The following SUCLG2 variants were observed in gnomAD, a reference collection of about 807,000 sequenced individuals.
SUCLG2 encodes succinate--CoA ligase [GDP-forming] subunit beta, mitochondrial.
SUCLG2 carries 42 observed loss-of-function variants against 47.9 expected under a neutral mutation model. The ratio of observed to expected loss-of-function variants is 0.88; its 90% CI spans 0.69 to 1.14. The LOEUF is 1.14. Among genes scored for constraint, SUCLG2 ranks in the 50% most tolerant of loss-of-function variants. The pLI is 0.00. For synonymous variants in SUCLG2, 195 were observed against 197.3 expected (o/e 0.99, Z 0.10); for missense variants, 571 against 525.9 (o/e 1.09, Z -0.84).
At chr3:67,543,405 C>T (rs182564583) in intron 2 of SUCLG2, among the ~76,000 whole-genome samples, 6 of 152,160 alleles carry the variant, frequency 3.9e-5, no homozygotes, top group East Asian at 3.9e-4. Context: ...TTTGTGAGGC[C>T]GAGGCAGGTG....
chr3:67,483,063 G>A (rs1704958264), intron 9 of SUCLG2, among the ~76,000 whole-genome samples: 1 of 152,104 alleles, frequency 6.6e-6, no homozygotes. Flanking sequence ...ATGTGTGTTT[G>A]CAGTGCTCCA....
At chr3:67,493,582 T>G (rs1162618121) in intron 9 of SUCLG2, among the ~76,000 whole-genome samples, 2 of 152,206 alleles carry the variant, frequency 1.3e-5, no homozygotes, top group Non-Finnish European at 2.9e-5. Flanking sequence ...GAAAAGCTAT[T>G]TCAACGAAAT....
intron 10 of SUCLG2, among the ~76,000 whole-genome samples, chr3:67,399,706 G>T (rs1702640180): frequency 6.6e-6 from 1 of 152,052 alleles, no homozygotes; most frequent in African/African-American, 2.4e-5. Flanking sequence ...GAATGATTTT[G>T]AACCATGCAT....
chr3:67,425,881 C>T (rs1202199660), intron 9 of SUCLG2, among the ~76,000 whole-genome samples: 1 of 152,088 alleles, frequency 6.6e-6, no homozygotes, highest in Non-Finnish European at 1.5e-5. Context: ...TTTCCAATGA[C>T]CCAAAAATAA....
chr3:67,511,670 G>C (rs765218957), intron 6 of SUCLG2, among the ~76,000 whole-genome samples: 2 of 152,138 alleles, frequency 1.3e-5, no homozygotes, highest in Non-Finnish European at 2.9e-5. Context: ...ATCAGCGTGA[G>C]AACAGACGAG....
At chr3:67,562,364 A>T (rs543478220) in intron 2 of SUCLG2, among the ~76,000 whole-genome samples, 2 of 151,388 alleles carry the variant, frequency 1.3e-5, no homozygotes, top group Admixed American at 6.6e-5. Flanking sequence ...TGCAACCTCC[A>T]CTTCCCAGGT....
intron 9 of SUCLG2, among the ~76,000 whole-genome samples, chr3:67,444,294 A>G (rs1208362164): frequency 6.0e-5 from 4 of 66,168 alleles, no homozygotes; most frequent in Admixed American, 3.2e-4. Context: ...TGGGGGGGTC[A>G]GCCCTCCCAC....
chr3:67,571,452 C>A (rs899727357), intron 2 of SUCLG2, among the ~76,000 whole-genome samples: 2 of 152,132 alleles, frequency 1.3e-5, no homozygotes, highest in East Asian at 3.9e-4. Flanking sequence ...GACAATAGCA[C>A]CCTGAATTCT....
At chr3:67,640,217 C>A (rs1008868490) in intron 1 of SUCLG2, among the ~76,000 whole-genome samples, 1 of 152,170 alleles carries the variant, frequency 6.6e-6, no homozygotes, top group Non-Finnish European at 1.5e-5. Flanking sequence ...CCCTGCGTTA[C>A]CTAAACTCAT....
intron 9 of SUCLG2, among the ~76,000 whole-genome samples, chr3:67,402,040 T>C (rs1702696247): frequency 6.6e-6 from 1 of 152,220 alleles, no homozygotes; most frequent in Non-Finnish European, 1.5e-5. Flanking sequence ...ACAGCTGTCA[T>C]GTGGCTGTGG....
At position 67,503,390 on chromosome 3, in the gene SUCLG2, G is replaced by T. The variant is rs74513333; in HGVS notation, c.758-5095C>A. On this transcript the variant is annotated intron_variant, in intron 7 of 10. Transcript: ENST00000307227. ...ACGCAAAAGGAGTAGATTAATCCTG[G>T]AATACTAACTGACTCTTACATGCTT... Among the ~76,000 whole-genome samples, 413 of 152,282 alleles carry T rather than the reference G, an allele frequency of 2.7e-3. 1 individual carries two copies. Among genetic ancestry groups the T allele is most frequent in the Non-Finnish European group, 4.7e-3 (320 of 68,020 alleles).
At chr3:67,429,430 A>G (rs1021588966) in intron 9 of SUCLG2, among the ~76,000 whole-genome samples, 1 of 152,236 alleles carries the variant, frequency 6.6e-6, no homozygotes, top group Admixed American at 6.5e-5. Flanking sequence ...GGCCTGTCTT[A>G]CAAGAGCTCC....
chr3:67,480,837 G>A (rs1356824696), intron 9 of SUCLG2, among the ~76,000 whole-genome samples: 1 of 152,194 alleles, frequency 6.6e-6, no homozygotes, highest in East Asian at 1.9e-4. Flanking sequence ...TCCAAGTGAA[G>A]ACATACAGAG....
At chr3:67,372,754 A>G (rs947162423), downstream of SUCLG2, among the ~76,000 whole-genome samples, 2 of 152,168 alleles carry the variant, frequency 1.3e-5, no homozygotes, top group Admixed American at 1.3e-4. Context: ...TTTCACTTTA[A>G]TATCTAAATC....
intron 6 of SUCLG2, chr3:67,514,289 GA>G: frequency 2.4e-6 from 1 of 423,104 alleles, no homozygotes; most frequent in Non-Finnish European, 4.8e-6. Context: ...ATCCAGGAAG[GA>G]AAATTGGATC....
chr3:67,625,580 GGACAGTCA>G (rs1700811775), intron 1 of SUCLG2, among the ~76,000 whole-genome samples: 1 of 152,134 alleles, frequency 6.6e-6, no homozygotes. Flanking sequence ...CTCTAAAGGA[GGACAGTCA>G]GCTCAAAATT....
At chr3:67,581,180 C>T (rs781401995) in intron 2 of SUCLG2, among the ~76,000 whole-genome samples, 5 of 152,174 alleles carry the variant, frequency 3.3e-5, no homozygotes, top group Non-Finnish European at 7.3e-5. Context: ...ATGTCACCAA[C>T]GCTGGTTAGC....
intron 1 of SUCLG2, among the ~76,000 whole-genome samples, chr3:67,627,621 T>C (rs1026371105): frequency 5.9e-5 from 9 of 152,256 alleles, no homozygotes; most frequent in South Asian, 2.1e-4. Flanking sequence ...TGGCTTCCTA[T>C]TAGGGTCTGC....
At chr3:67,519,546 T>A (rs939505531) in intron 5 of SUCLG2, among the ~76,000 whole-genome samples, 1 of 152,158 alleles carries the variant, frequency 6.6e-6, no homozygotes, top group African/African-American at 2.4e-5. Flanking sequence ...ATCGTTTCCA[T>A]TCAAGTCGCA....
Sources: allele counts gnomAD v4.1 joint callset (sites outside exome capture counted in the v4.1 genomes callset), GRCh38; gene constraint gnomAD v4.1.1; transcripts MANE v1.5; gene names NCBI Gene and HGNC (gene_info 2026-07-23, HGNC 2026-07-21).